The following PRDM15 variants were observed in gnomAD, a reference collection of about 807,000 sequenced individuals.
PRDM15 encodes the protein PR domain zinc finger protein 15.
Under a neutral mutation model 128.6 loss-of-function variants are expected in PRDM15, and 64 were observed. The ratio of observed to expected loss-of-function variants is 0.50; its 90% confidence interval spans 0.41 to 0.61. The LOEUF (loss-of-function observed/expected upper bound fraction) is 0.61. Ranked by LOEUF, PRDM15 falls within the 20% of genes least tolerant of loss-of-function variation. The pLI is 0.00. For missense variants in PRDM15, 1,242 were observed against 1,569.1 expected (o/e 0.79, Z 3.52); for synonymous variants, 615 against 621.8 (o/e 0.99, Z 0.16).
rs78261070 is a variant in PRDM15 at position 41,808,388 on chromosome 21, G to C, written c.2652+1766C>G. On this transcript the variant is annotated intron_variant, in intron 21 of 23. Transcript: ENST00000398548. ...TGCAGCCACGGTCCCCTGGCTTCCCGGACTGGAGAGCAGGTTGAGTCCCTG... is the reference window on the plus strand; with the variant it reads ...TGCAGCCACGGTCCCCTGGCTTCCCCGACTGGAGAGCAGGTTGAGTCCCTG... Among the ~76,000 whole-genome samples the C allele has an allele frequency of 1.9e-4, 29 of 152,338 alleles. No individual in the cohort carries two copies. In the East Asian group the frequency reaches 5.0e-3, roughly 26 times the overall value.
intron 1 of PRDM15, among the ~76,000 whole-genome samples, chr21:41,865,093 CA>C (rs1569014340): frequency 2.8e-5 from 4 of 142,044 alleles, no homozygotes; most frequent in African/African-American, 7.8e-5. Context: ...GCTCACTCCT[CA>C]CTCCCCAGCC....
At position 41,835,604 on chromosome 21, in the gene PRDM15, C is replaced by G. The variant is rs749744347; in HGVS notation, c.1279-80G>C. 8 of 1,126,960 alleles carry G rather than the reference C, an allele frequency of 7.1e-6. No homozygotes were observed. The Admixed American group carries it at 1.1e-4, about 15-fold the overall frequency. The allele number at this position is 1,126,960 out of a possible 1,614,324, so 69.8% of individuals were successfully genotyped here. On this transcript the variant is annotated intron_variant, in intron 10 of 23. Coordinates refer to ENST00000398548, the MANE Select transcript of PRDM15 (RefSeq NM_001040424.3). ...CCGAGCCCCCGACGTGCTGCCCGGG[C>G]GACTCCACGCCTGTGTCTGTTATGA... is the stretch of plus-strand genomic sequence containing the variant.
intron 3 of PRDM15, among the ~76,000 whole-genome samples, chr21:41,857,934 G>A (rs2063687411): frequency 1.3e-5 from 2 of 152,290 alleles, no homozygotes; most frequent in South Asian, 4.1e-4. Context: ...ACCATGGCGG[G>A]GCTGTGCACT....
chr21:41,839,695 G>C lies in PRDM15; in HGVS notation c.799C>G (p.Arg267Gly), dbSNP rs757432215. 1.2e-6 allele frequency: 2 copies of C among 1,614,226 alleles called. No individual in the cohort carries two copies. The highest frequency in any genetic ancestry group is 1.7e-5 in the Admixed American group (1 of 60,028). Residue 267 changes from arginine to glycine, a missense_variant, in exon 7 of 24, where the codon CGA becomes GGA. Arg to Gly is a moderately radical substitution (Grantham distance 125). Transcript: ENST00000398548. The stretch of plus-strand genomic sequence containing the variant: ...GACACTTTGGGTTTTCTCCCCCTTC[G>C]AGGCTTTTTCTTCTGTTCTTTGGTG... ...VATKEQKKKP[R>G]RGRKPKVSKA... is the part of the protein sequence containing the mutation.
intron 6 of PRDM15, among the ~76,000 whole-genome samples, chr21:41,841,844 G>A (rs10446260): frequency 0.096 from 14,665 of 152,158 alleles, 929 homozygotes; most frequent in Non-Finnish European, 0.14. Context: ...CACTACAGAG[G>A]CAGATTTTTC....
At chr21:41,834,395 G>T in intron 11 of PRDM15, 2 of 953,054 alleles carry the variant, frequency 2.1e-6, no homozygotes, top group Non-Finnish European at 3.3e-6. Flanking sequence ...TGCTGCAGGT[G>T]CCCTGTTCTC....
intron 21 of PRDM15, among the ~76,000 whole-genome samples, chr21:41,805,706 C>T (rs1455364069): frequency 6.6e-6 from 1 of 151,896 alleles, no homozygotes; most frequent in African/African-American, 2.4e-5. Flanking sequence ...CTACCGTCAC[C>T]ACCATCACCA....
chr21:41,807,799 G>C lies in PRDM15; in HGVS notation c.2652+2355C>G, dbSNP rs11908959. 4.6e-5 allele frequency among the ~76,000 whole-genome samples: 7 copies of C among 152,268 alleles called. No homozygotes were observed. The South Asian group carries it at 6.2e-4, about 14-fold the overall frequency. On this transcript the variant is annotated intron_variant, in intron 21 of 23. Transcript: ENST00000398548. The stretch of plus-strand genomic sequence containing the variant: ...AAAGGCTGGAGAAACAAATTGGTTC[G>C]AGAACAAAGACGGACAAAATCCCCC...
chr21:41,837,454 T>A (rs2062932252), intron 8 of PRDM15, among the ~76,000 whole-genome samples: 1 of 152,142 alleles, frequency 6.6e-6, no homozygotes, highest in African/African-American at 2.4e-5. Flanking sequence ...ACAAATCCTG[T>A]CTGATTCCAC....
chr21:41,819,752 T>A (rs1430211277), intron 17 of PRDM15, 51 bp from the exon 18 acceptor site: 1 of 1,556,166 alleles, frequency 6.4e-7, no homozygotes, highest in East Asian at 2.4e-5. Flanking sequence ...CGACCTGCAG[T>A]GGCTGCAAAG....
At chr21:41,875,609 C>T (rs1269802602) in intron 1 of PRDM15, among the ~76,000 whole-genome samples, 1 of 152,216 alleles carries the variant, frequency 6.6e-6, no homozygotes, top group Non-Finnish European at 1.5e-5. Context: ...ATTTACAACG[C>T]ACACGAACAA....
chr21:41,843,153 T>C (rs544495992), intron 6 of PRDM15, among the ~76,000 whole-genome samples: 1 of 152,192 alleles, frequency 6.6e-6, no homozygotes, highest in Non-Finnish European at 1.5e-5. Context: ...TAACCTTTGT[T>C]TTCTCTGGAG....
chr21:41,835,557 C>T (rs774935943), intron 10 of PRDM15, 33 bp from the exon 11 acceptor site: 8 of 1,575,616 alleles, frequency 5.1e-6, no homozygotes, highest in Non-Finnish European at 6.1e-6. Flanking sequence ...AGTGAGATGG[C>T]CCAGCGCAGA....
In PRDM15 at chr21:41,828,455, G is replaced by T; in HGVS notation, c.1367-122C>A. 1 of 978,474 alleles carries T rather than the reference G, an allele frequency of 1.0e-6. No individual in the cohort carries two copies. Among genetic ancestry groups the T allele is most frequent in the Non-Finnish European group, 1.6e-6 (1 of 629,134 alleles). The allele number at this position is 978,474 out of a possible 1,614,324, so 60.6% of individuals were successfully genotyped here. ...ACGGGCATGAGAGTCACGGGGATGC[G>T]TGGCCAGGAAGAAAACAGCACCTGT... On this transcript the variant is annotated intron_variant, in intron 11 of 23. Coordinates refer to ENST00000398548, the MANE Select transcript of PRDM15 (RefSeq NM_001040424.3). The surrounding 1 kb of genome is among the most constrained non-coding windows in gnomAD (Gnocchi z 5.7).
intron 11 of PRDM15, among the ~76,000 whole-genome samples, chr21:41,829,364 C>T (rs1000015896): frequency 2.6e-5 from 4 of 151,852 alleles, no homozygotes; most frequent in Admixed American, 1.3e-4. Context: ...TACACAATCA[C>T]ACACACCACA....
chr21:41,823,199 G>T, intron 14 of PRDM15, 119 bp downstream of exon 14: 1 of 1,300,846 alleles, frequency 7.7e-7, no homozygotes, highest in Non-Finnish European at 1.1e-6. Context: ...ACCGTGAGCA[G>T]CACATGTCTG....
In PRDM15 at chr21:41,806,768, CACTACCACTTCCATCACCATT is replaced by C. The variant is rs1233814794; in HGVS notation, c.2653-2175_2653-2155del. Among the ~76,000 whole-genome samples the C allele has an allele frequency of 4.9e-4, 74 of 151,170 alleles. 1 individual carries two copies. The East Asian group carries it at 9.6e-3, about 20-fold the overall frequency. ...CCACCATCACCACCGCCACCACCATCACTACCACTTCCATCACCATTACCACCATCACCGCCTCCTCCATCA... is the reference window on the plus strand; with the variant it reads ...CCACCATCACCACCGCCACCACCATCACCACCATCACCGCCTCCTCCATCA... On this transcript the variant is annotated intron_variant, in intron 21 of 23. Transcript: ENST00000398548.
At position 41,828,390 on chromosome 21, in the gene PRDM15, G is replaced by A; in HGVS notation, c.1367-57C>T. 1 of 1,582,984 alleles carries A rather than the reference G, an allele frequency of 6.3e-7. No individual in the cohort carries two copies. Among genetic ancestry groups the A allele is most frequent in the Non-Finnish European group, 8.7e-7 (1 of 1,155,280 alleles). The stretch of plus-strand genomic sequence containing the variant: ...TTTGAGGTAAATAACATCTCACGCA[G>A]GCACGCACGTGTGGCCTGAACGTCA... On this transcript the variant is annotated intron_variant, in intron 11 of 23. Transcript: ENST00000398548. The surrounding 1 kb of genome is among the most constrained non-coding windows in gnomAD (Gnocchi z 5.7).
intron 6 of PRDM15, among the ~76,000 whole-genome samples, chr21:41,840,442 CAAAA>C (rs35052917): frequency 5.5e-5 from 5 of 91,138 alleles, no homozygotes; most frequent in South Asian, 3.7e-4. Context: ...AAGACTGTCT[CAAAA>C]AAAAAAAAAA....
Sources: gnomAD v4.1 joint callset for allele counts (sites outside exome capture counted in the v4.1 genomes callset) on GRCh38, gnomAD v4.1.1 for gene constraint, Gnocchi (gnomAD v3.1) non-coding constraint, MANE v1.5 for transcripts, NCBI Gene and HGNC (gene_info 2026-07-23, HGNC 2026-07-21) for gene names.